SUPT3H: variants seen among roughly 807,000 people sequenced by gnomAD.
SUPT3H encodes SPT3 homolog, SAGA and STAGA complex component.
A neutral mutation model predicts 44.3 loss-of-function variants in SUPT3H; 44 were observed. The ratio of observed to expected loss-of-function variants is 0.99; its 90% CI spans 0.78 to 1.28. SUPT3H has a LOEUF of 1.28. SUPT3H is among the 50% of genes most tolerant of loss of function. The pLI, the probability that SUPT3H is intolerant of heterozygous loss-of-function variation, is 0.00. For synonymous variants in SUPT3H, 124 were observed against 125.6 expected, an observed-to-expected ratio of 0.99 and a Z score of 0.09; for missense variants, 380 against 387.1, an observed-to-expected ratio of 0.98 and a Z score of 0.15.
chr6:44,993,504 C>A (rs2153500144), intron 6 of SUPT3H, among the ~76,000 whole-genome samples: 1 of 152,116 alleles, frequency 6.6e-6, no homozygotes, highest in East Asian at 1.9e-4. Context: ...ATACACAATT[C>A]TTTACCATTA....
At chr6:45,096,365 C>T (rs868515072) in intron 3 of SUPT3H, among the ~76,000 whole-genome samples, 6 of 151,976 alleles carry the variant, frequency 3.9e-5, no homozygotes, top group Non-Finnish European at 7.4e-5. Context: ...AAATCGAAAG[C>T]TTTATATAGA....
At chr6:45,242,496 A>G (rs936497830) in intron 2 of SUPT3H, among the ~76,000 whole-genome samples, 3 of 152,250 alleles carry the variant, frequency 2.0e-5, no homozygotes, top group Non-Finnish European at 4.4e-5. Flanking sequence ...CTCAGAGCTC[A>G]TATCAAGCTG....
intron 3 of SUPT3H, among the ~76,000 whole-genome samples, chr6:45,101,578 T>C (rs1036123329): frequency 7.2e-5 from 11 of 152,330 alleles, no homozygotes; most frequent in Middle Eastern, 6.8e-3. Flanking sequence ...TCGGGTTCCA[T>C]AGCATTATGT....
intron 6 of SUPT3H, among the ~76,000 whole-genome samples, chr6:44,975,037 G>T (rs1778125121): frequency 6.6e-6 from 1 of 152,092 alleles, no homozygotes; most frequent in South Asian, 2.1e-4. Context: ...TGGGCATGGT[G>T]GTGGGTGCCT....
intron 10 of SUPT3H, among the ~76,000 whole-genome samples, chr6:44,877,406 T>C (rs1306688788): frequency 6.6e-6 from 1 of 150,808 alleles, no homozygotes; most frequent in Admixed American, 6.6e-5. Context: ...GAGGCAGAGG[T>C]TGCAGTGAGC....
At chr6:45,062,737 A>G (rs1449155865) in intron 3 of SUPT3H, among the ~76,000 whole-genome samples, 2 of 152,076 alleles carry the variant, frequency 1.3e-5, no homozygotes, top group Admixed American at 6.5e-5. Context: ...CCACCCGAAT[A>G]TTGCGCTTTT....
At chr6:45,308,352 G>A (rs1462719757) in intron 2 of SUPT3H, among the ~76,000 whole-genome samples, 1 of 152,178 alleles carries the variant, frequency 6.6e-6, no homozygotes, top group African/African-American at 2.4e-5. Context: ...CAGAGAAAAA[G>A]GTCGGGTTAC....
At chr6:45,158,294 ATATATTTTT>A (rs1808282444) in intron 2 of SUPT3H, among the ~76,000 whole-genome samples, 1 of 30,520 alleles carries the variant, frequency 3.3e-5, no homozygotes, top group African/African-American at 1.5e-4. Context: ...ATATATATAT[ATATATTTTT>A]TTTTTTTTTT....
chr6:44,966,702 A>G (rs1776827141), intron 6 of SUPT3H, among the ~76,000 whole-genome samples: 1 of 152,196 alleles, frequency 6.6e-6, no homozygotes, highest in Non-Finnish European at 1.5e-5. Context: ...CTTTTGAACT[A>G]AATATTACAA....
chr6:44,914,534 A>G (rs10484626), intron 10 of SUPT3H, among the ~76,000 whole-genome samples: 31,319 of 152,124 alleles, frequency 0.21, 3,923 homozygotes, highest in Non-Finnish European at 0.29. Flanking sequence ...TCAATGATCA[A>G]TCCTGGACAG....
intron 2 of SUPT3H, among the ~76,000 whole-genome samples, chr6:45,154,314 G>C (rs1425071092): frequency 6.6e-6 from 1 of 151,938 alleles, no homozygotes; most frequent in Admixed American, 6.6e-5. Context: ...TCTGTTCAAT[G>C]AAGAAATGAC....
rs58301341 is a variant in SUPT3H, at chr6:45,150,688, A to G, written c.102-44682T>C. On this transcript the variant is annotated intron_variant, in intron 2 of 10. Transcript: ENST00000371459. ...GCCTGAAGGCTCGATTCTCAGACCA[A>G]CTTCTACTTCTACTTATAATCTTTA... is the stretch of plus-strand genomic sequence containing the variant. Among the ~76,000 whole-genome samples, 1,117 of 147,536 alleles carry G rather than the reference A, an allele frequency of 7.6e-3. 20 individuals carry two copies. The highest frequency in any genetic ancestry group is 0.027 in the African/African-American group (1,059 of 39,626).
At chr6:45,139,828 G>A (rs571816831) in intron 2 of SUPT3H, among the ~76,000 whole-genome samples, 1 of 152,234 alleles carries the variant, frequency 6.6e-6, no homozygotes, top group African/African-American at 2.4e-5. Context: ...TAGGGAGGCG[G>A]TCACAGGGTG....
intron 10 of SUPT3H, among the ~76,000 whole-genome samples, chr6:44,920,145 TG>T (rs1268320073): frequency 6.6e-6 from 1 of 152,002 alleles, no homozygotes; most frequent in Non-Finnish European, 1.5e-5. Flanking sequence ...CCCAAAGTGC[TG>T]GGATTACAGG....
intron 4 of SUPT3H, among the ~76,000 whole-genome samples, chr6:45,019,163 A>G (rs1007224224): frequency 6.6e-6 from 1 of 152,054 alleles, no homozygotes; most frequent in Non-Finnish European, 1.5e-5. Context: ...CTCTGATGGT[A>G]GTTTGTATTT....
intron 2 of SUPT3H, among the ~76,000 whole-genome samples, chr6:45,290,567 T>A (rs552397100): frequency 2.0e-5 from 3 of 151,968 alleles, no homozygotes; most frequent in South Asian, 4.2e-4. Context: ...CCTTTAAACA[T>A]CAACAAAAAT....
chr6:44,986,041 T>C (rs1174345370), intron 6 of SUPT3H, among the ~76,000 whole-genome samples: 9 of 152,186 alleles, frequency 5.9e-5, no homozygotes, highest in Non-Finnish European at 1.3e-4. Flanking sequence ...AAGTCCATTA[T>C]CTTTTAATAT....
chr6:44,949,418 G>A (rs980558247), intron 9 of SUPT3H, among the ~76,000 whole-genome samples: 9 of 151,378 alleles, frequency 5.9e-5, no homozygotes, highest in African/African-American at 1.7e-4. Flanking sequence ...ATAAATAAAT[G>A]CAAGCGGAAT....
intron 10 of SUPT3H, among the ~76,000 whole-genome samples, chr6:44,856,661 C>T (rs914501184): frequency 9.2e-5 from 14 of 152,248 alleles, no homozygotes; most frequent in African/African-American, 2.9e-4. Context: ...ACAGCTATTA[C>T]CAAATAGTTG....
Sources: gnomAD v4.1 joint callset for allele counts (sites outside exome capture counted in the v4.1 genomes callset) on GRCh38, gnomAD v4.1.1 for gene constraint, MANE v1.5 for transcripts, NCBI Gene and HGNC (gene_info 2026-07-23, HGNC 2026-07-21) for gene names.